Variants in MACF1 observed in about 807,000 individuals in gnomAD.
MACF1 encodes the protein microtubule actin crosslinking factor 1.
In MACF1, 193 loss-of-function variants were observed where a neutral mutation model predicts 854.8. That is an observed-to-expected ratio of 0.23 (90% CI 0.20 to 0.25). MACF1 has a LOEUF of 0.25. Among genes scored for constraint, MACF1 ranks in the 10% least tolerant of loss-of-function variants. The probability of loss-of-function intolerance (pLI) is 1.00; values close to 1 mark genes in which losing one functional copy is unlikely to be tolerated. For missense variants in MACF1, 7,722 were observed against 8,929.1 expected, an observed-to-expected ratio of 0.86 and a Z score of 5.45; for synonymous variants, 3,185 against 3,226.7, an observed-to-expected ratio of 0.99 and a Z score of 0.44.
chr1:39,331,297 C>T lies in MACF1; in HGVS notation c.4709C>T (p.Thr1570Ile). The T allele has an allele frequency of 6.2e-7, 1 of 1,611,822 alleles. No homozygotes were observed. The highest frequency in any genetic ancestry group is 1.1e-5 in the South Asian group (1 of 91,040). ...AMQKGLLDQD[T>I]GLVLLESQVI... ...CAAAAGGGCCTCCTTGACCAAGACA[C>T]AGGCCTAGTGCTTCTGGAATCTCAG... The change falls in exon 37 of 101, where the codon ACA becomes ATA. Residue 1570 changes from threonine to isoleucine, a missense_variant. This residue lies in a region of MACF1 where 1,531 missense variants were observed against 1,601.6 expected (regional missense o/e 0.96). Transcript: ENST00000564288.
At chr1:39,295,226 G>C in intron 19 of MACF1, 76 bp downstream of exon 19, 1 of 1,236,056 alleles carries the variant, frequency 8.1e-7, no homozygotes, top group Non-Finnish European at 1.2e-6. Flanking sequence ...TAGAGACTTT[G>C]TTCCACTGAA....
At chr1:39,113,121 A>G (rs918799420) in intron 2 of MACF1, among the ~76,000 whole-genome samples, 2 of 151,980 alleles carry the variant, frequency 1.3e-5, no homozygotes, top group African/African-American at 2.4e-5. Flanking sequence ...ATAAAACTCA[A>G]ATTCTTCCTA....
intron 55 of MACF1, 137 bp downstream of exon 55, chr1:39,380,510 C>A: frequency 2.3e-6 from 2 of 854,028 alleles, no homozygotes; most frequent in Non-Finnish European, 1.7e-6. Flanking sequence ...CCAGATAGGG[C>A]CAGAGCATGA....
chr1:39,210,958 C>T (rs1447540675), intron 1 of MACF1, among the ~76,000 whole-genome samples: 1 of 142,974 alleles, frequency 7.0e-6, no homozygotes, highest in African/African-American at 2.5e-5. Flanking sequence ...TTCTTTCCCT[C>T]CTTCCCTCCC....
At chr1:39,312,605 G>A (rs902247056) in intron 26 of MACF1, among the ~76,000 whole-genome samples, 8 of 152,078 alleles carry the variant, frequency 5.3e-5, no homozygotes, top group Non-Finnish European at 1.2e-4. Flanking sequence ...TAGGCGGATT[G>A]CATGAGACCA....
intron 28 of MACF1, 126 bp downstream of exon 28, chr1:39,316,655 T>G: frequency 4.6e-6 from 4 of 861,146 alleles, no homozygotes; most frequent in Non-Finnish European, 6.9e-6. Context: ...CAGAATGTCA[T>G]TAAATATATT....
At chr1:39,383,826 G>A (rs1027748176) in intron 56 of MACF1, among the ~76,000 whole-genome samples, 1 of 151,724 alleles carries the variant, frequency 6.6e-6, no homozygotes, top group Non-Finnish European at 1.5e-5. Context: ...ACAGTGAGCC[G>A]AGATCGCACC....
intron 5 of MACF1, among the ~76,000 whole-genome samples, chr1:39,255,723 A>G (rs1472208667): frequency 2.0e-5 from 3 of 152,314 alleles, no homozygotes; most frequent in Middle Eastern, 3.4e-3. Flanking sequence ...CTTAATAAAT[A>G]TTTGCTGAAA....
intron 1 of MACF1, among the ~76,000 whole-genome samples, chr1:39,227,725 C>T (rs1294393278): frequency 6.6e-6 from 1 of 152,198 alleles, no homozygotes; most frequent in East Asian, 1.9e-4. Flanking sequence ...TCCTATCTCG[C>T]CACTACCTAG....
chr1:39,424,480 T>C (rs1643658955), intron 61 of MACF1, among the ~76,000 whole-genome samples: 2 of 152,222 alleles, frequency 1.3e-5, no homozygotes, highest in Admixed American at 1.3e-4. Context: ...CACAGACTCC[T>C]ACAGTCCAGC....
chr1:39,156,320 A>G (rs1340369360), intron 2 of MACF1, among the ~76,000 whole-genome samples: 1 of 151,996 alleles, frequency 6.6e-6, no homozygotes, highest in African/African-American at 2.4e-5. Context: ...ATGACTTAGT[A>G]TTTTATAAGA....
At chr1:39,374,573 G>C (rs1341927027) in intron 52 of MACF1, among the ~76,000 whole-genome samples, 1 of 152,044 alleles carries the variant, frequency 6.6e-6, no homozygotes, top group African/African-American at 2.4e-5. Flanking sequence ...AGGTTTGCAG[G>C]GTATATGGTC....
At chr1:39,362,057 A>G (rs1648232617) in intron 49 of MACF1, among the ~76,000 whole-genome samples, 2 of 152,180 alleles carry the variant, frequency 1.3e-5, no homozygotes. Flanking sequence ...AAAACCACCT[A>G]TACCTTTCAA....
chr1:39,458,424 A>T lies in MACF1; in HGVS notation c.21130A>T (p.Thr7044Ser), dbSNP rs1644485974. 6.2e-7 allele frequency: 1 copy of T among 1,614,138 alleles called. No individual in the cohort carries two copies. Among genetic ancestry groups the T allele is most frequent in the African/African-American group, 1.3e-5 (1 of 75,034 alleles). The part of the protein sequence containing the change: ...KQPDVDRVTK[T>S]YKRKNIEPTH... ...GCCTGACGTGGACCGGGTCACCAAG[A>T]CATACAAAAGGAAAAACATAGAGCC... The change falls in exon 90 of 101, where the codon ACA becomes TCA. Residue 7044 changes from threonine (T) to serine (S), a missense_variant. Thr to Ser is a moderately conservative substitution (Grantham distance 58). This residue lies in a region of MACF1 where 729 missense variants were observed against 900.5 expected (regional missense o/e 0.81). Transcript: ENST00000564288.
rs191624064 is a variant in MACF1 at position 39,382,314 on chromosome 1, T to G, written c.13848+162T>G. 5.3e-5 allele frequency among the ~76,000 whole-genome samples: 8 copies of G among 152,226 alleles called. 1 individual carries two copies. Among genetic ancestry groups the G allele is most frequent in the Non-Finnish European group, 1.2e-4 (8 of 68,016 alleles). Reference sequence around the variant, plus strand: ...GGTGTTAATCATGGTGCCTGTAAAATAGTAAACAGTCAAAAACTCTATTAT... The same window carrying G: ...GGTGTTAATCATGGTGCCTGTAAAAGAGTAAACAGTCAAAAACTCTATTAT... On this transcript the variant is annotated intron_variant, in intron 56 of 100. Transcript: ENST00000564288.
rs566418536 is a variant in MACF1, at chr1:39,381,259, G to T, written c.13649-694G>T. Among the ~76,000 whole-genome samples, 215 of 150,010 alleles carry T rather than the reference G, an allele frequency of 1.4e-3. 2 individuals carry two copies. Among genetic ancestry groups the T allele is most frequent in the African/African-American group, 5.1e-3 (207 of 40,894 alleles). ...TTTAGTAGAGAGGGGGTTTCTCCATGTTGGTCAGGCTGGTCTCGAACTCCC... is the reference window on the plus strand; with the variant it reads ...TTTAGTAGAGAGGGGGTTTCTCCATTTTGGTCAGGCTGGTCTCGAACTCCC... On this transcript the variant is annotated intron_variant, in intron 55 of 100. Coordinates refer to ENST00000564288, the MANE Select transcript of MACF1 (RefSeq NM_001394062.1).
chr1:39,360,749 C>T (rs765074445), intron 47 of MACF1, 44 bp from the exon 48 acceptor site: 6 of 1,182,772 alleles, frequency 5.1e-6, no homozygotes, highest in Non-Finnish European at 6.0e-6. Context: ...AAGCATAATA[C>T]AAAAATTGTC....
chr1:39,441,099 C>A lies in MACF1; in HGVS notation c.18544C>A (p.Pro6182Thr). The A allele has an allele frequency of 6.2e-7, 1 of 1,614,094 alleles. No individual in the cohort carries two copies. Among genetic ancestry groups the A allele is most frequent in the Non-Finnish European group, 8.5e-7 (1 of 1,180,030 alleles). Residue 6182 changes from proline to threonine, a missense_variant, in exon 73 of 101, where the codon CCT becomes ACT. Transcript: ENST00000564288. The part of the protein sequence containing the change: ...LIFACGETEK[P>T]EVRKSIDEMN... ...TTTTGCCTGTGGAGAAACTGAGAAG[C>A]CTGAAGTGAGGAAGAGCATTGATGA...
chr1:39,110,530 G>T (rs1355887702), intron 2 of MACF1, among the ~76,000 whole-genome samples: 1 of 152,128 alleles, frequency 6.6e-6, no homozygotes, highest in East Asian at 1.9e-4. Context: ...GAGCCACCGT[G>T]CCTGGCCTAC....
Sources: gnomAD v4.1 joint callset for allele counts (sites outside exome capture counted in the v4.1 genomes callset) on GRCh38, gnomAD v4.1.1 for gene constraint, gnomAD v4.1.1 regional missense constraint, MANE v1.5 for transcripts, NCBI Gene and HGNC (gene_info 2026-07-23, HGNC 2026-07-21) for gene names.